Variants in TMPRSS11E observed in about 807,000 individuals in gnomAD.
TMPRSS11E encodes the protein transmembrane protease serine 11E.
TMPRSS11E carries 38 observed loss-of-function variants against 48.1 expected under a neutral mutation model. That is an observed-to-expected ratio of 0.79 (90% CI 0.61 to 1.04). TMPRSS11E has a LOEUF of 1.04. Ranked by LOEUF, TMPRSS11E falls within the 50% of genes least tolerant of loss-of-function variation. TMPRSS11E has a pLI of 0.00. For missense variants in TMPRSS11E, 530 were observed against 510.8 expected (o/e 1.04, Z -0.36); for synonymous variants, 158 against 171.9 (o/e 0.92, Z 0.63).
At chr4:68,452,246 A>G (rs575294080) in intron 1 of TMPRSS11E, among the ~76,000 whole-genome samples, 1 of 152,000 alleles carries the variant, frequency 6.6e-6, no homozygotes, top group Non-Finnish European at 1.5e-5. Flanking sequence ...GACCCAAGAC[A>G]TATTATTGTT....
intron 2 of TMPRSS11E, among the ~76,000 whole-genome samples, chr4:68,465,936 A>G (rs1728915482): frequency 6.6e-6 from 1 of 152,162 alleles, no homozygotes; most frequent in Non-Finnish European, 1.5e-5. Flanking sequence ...AGCAGGTCAA[A>G]AATGTGGGTT....
intron 9 of TMPRSS11E, among the ~76,000 whole-genome samples, chr4:68,496,276 C>G (rs1039704396): frequency 4.6e-5 from 7 of 151,798 alleles, no homozygotes; most frequent in Non-Finnish European, 7.4e-5. Flanking sequence ...ACTCTTCACT[C>G]CCTTTTTTGG....
chr4:68,471,536 G>A lies in TMPRSS11E; in HGVS notation c.403G>A (p.Asp135Asn). 1 of 1,611,316 alleles carries A rather than the reference G, an allele frequency of 6.2e-7. No homozygotes were observed. Among genetic ancestry groups the A allele is most frequent in the South Asian group, 1.1e-5 (1 of 90,778 alleles). ...FHSTEDPETV[D>N]KIVQLVLHEK... The stretch of plus-strand genomic sequence containing the variant: ...CTCTACTGAGGATCCTGAAACTGTA[G>A]ATAAAATTGTTCAACTTGTTTTACA... The change falls in exon 5 of 10, where the codon GAT becomes AAT. Residue 135 changes from aspartate (D) to asparagine (N), a missense_variant. Transcript: ENST00000305363.
chr4:68,460,856 A>G lies in TMPRSS11E; in HGVS notation c.12-965A>G, dbSNP rs948008076. Among the ~76,000 whole-genome samples, 3 of 151,358 alleles carry G rather than the reference A, an allele frequency of 2.0e-5. No homozygotes were observed. In the Admixed American group the frequency reaches 2.0e-4, roughly 10 times the overall value. On this transcript the variant is annotated intron_variant, in intron 1 of 9. Transcript: ENST00000305363. ...GGCAGAACAAATAGAAGTTGAGGGA[A>G]TCTCATGCAAAAAGAATTTCCTGTA...
rs1424158632 is a variant in TMPRSS11E, at chr4:68,448,163, G to A, written c.11+640G>A. ...AACAAGGTTTTGGGGTACTAGTTTT[G>A]TCTTTGAAAATAATTTTATCTCCTG... On this transcript the variant is annotated intron_variant, in intron 1 of 9. Transcript: ENST00000305363. 2.0e-5 allele frequency among the ~76,000 whole-genome samples: 3 copies of A among 151,976 alleles called. No individual in the cohort carries two copies. In the East Asian group the frequency reaches 5.8e-4, roughly 29 times the overall value.
intron 9 of TMPRSS11E, among the ~76,000 whole-genome samples, chr4:68,480,979 C>T (rs1422013876): frequency 1.3e-5 from 2 of 152,094 alleles, no homozygotes; most frequent in Non-Finnish European, 2.9e-5. Context: ...AAGTAAGCCC[C>T]AGTATGTATT....
chr4:68,461,948 A>G lies in TMPRSS11E; in HGVS notation c.136+3A>G, dbSNP rs749598340. On this transcript the variant is annotated splice_donor_region_variant and intron_variant, in intron 2 of 9. Coordinates refer to ENST00000305363, the MANE Select transcript of TMPRSS11E (RefSeq NM_014058.4). ...CACTGTTCATTATGTGAGATATAGT[A>G]AGTATAAGCTGCCTTGGCATCATGT... The G allele has an allele frequency of 2.5e-6, 4 of 1,614,080 alleles. No individual in the cohort carries two copies. The highest frequency in any genetic ancestry group is 3.4e-6 in the Non-Finnish European group (4 of 1,179,968).
chr4:68,451,152 G>T (rs543723106), intron 1 of TMPRSS11E, among the ~76,000 whole-genome samples: 2 of 151,962 alleles, frequency 1.3e-5, no homozygotes, highest in African/African-American at 4.8e-5. Context: ...CTTCTGGAAG[G>T]GTAGGAGGTA....
intron 1 of TMPRSS11E, among the ~76,000 whole-genome samples, chr4:68,448,821 G>A (rs1461618145): frequency 1.3e-5 from 2 of 151,816 alleles, no homozygotes; most frequent in Admixed American, 6.6e-5. Context: ...GAAAGATGAA[G>A]CACATCTATG....
At chr4:68,453,209 G>T (rs768112027) in intron 1 of TMPRSS11E, among the ~76,000 whole-genome samples, 2 of 151,978 alleles carry the variant, frequency 1.3e-5, no homozygotes, top group Admixed American at 6.6e-5. Flanking sequence ...TTTACTGTGT[G>T]CCTGGCATGG....
intron 1 of TMPRSS11E, among the ~76,000 whole-genome samples, chr4:68,459,002 T>C (rs1440091694): frequency 6.6e-6 from 1 of 152,174 alleles, no homozygotes; most frequent in East Asian, 1.9e-4. Flanking sequence ...TTATTATCCT[T>C]GTTTTTCATA....
At chr4:68,464,918 C>T (rs888763564) in intron 2 of TMPRSS11E, among the ~76,000 whole-genome samples, 4 of 152,084 alleles carry the variant, frequency 2.6e-5, no homozygotes, top group Non-Finnish European at 5.9e-5. Flanking sequence ...TTAACAGGCT[C>T]CCTAGGCAGT....
intron 1 of TMPRSS11E, among the ~76,000 whole-genome samples, chr4:68,458,530 G>T (rs1293186022): frequency 6.6e-6 from 1 of 152,136 alleles, no homozygotes; most frequent in Non-Finnish European, 1.5e-5. Flanking sequence ...TTTGATAGAT[G>T]AAAATATTGA....
Position 68,474,140 on chromosome 4 carries a change from A to G in TMPRSS11E, c.491-583A>G, listed in dbSNP as rs190483283. ...TGACTAGTGAGAAGTCAGCAAGCTA[A>G]GAAGTCATTGGCTGGAGCTAAATGA... is the stretch of plus-strand genomic sequence containing the variant. On this transcript the variant is annotated intron_variant, in intron 5 of 9. Transcript: ENST00000305363. Among the ~76,000 whole-genome samples the G allele has an allele frequency of 4.8e-4, 73 of 152,272 alleles. No individual in the cohort carries two copies. The East Asian group carries it at 0.012, about 26-fold the overall frequency.
At chr4:68,447,891 A>G (rs929665163) in intron 1 of TMPRSS11E, among the ~76,000 whole-genome samples, 1 of 152,010 alleles carries the variant, frequency 6.6e-6, no homozygotes, top group African/African-American at 2.4e-5. Context: ...CTTTTATTTT[A>G]GAAGGTGTAC....
intron 9 of TMPRSS11E, among the ~76,000 whole-genome samples, chr4:68,496,192 G>C (rs1729859520): frequency 6.6e-6 from 1 of 152,036 alleles, no homozygotes; most frequent in African/African-American, 2.4e-5. Context: ...GGCCAAACTT[G>C]AGATAGAAAC....
At chr4:68,480,380 T>C (rs1162348488) in intron 9 of TMPRSS11E, among the ~76,000 whole-genome samples, 1 of 152,130 alleles carries the variant, frequency 6.6e-6, no homozygotes, top group Non-Finnish European at 1.5e-5. Context: ...TCAAGTTTAC[T>C]GATTCTTTGC....
chr4:68,492,049 C>G (rs551153143), intron 9 of TMPRSS11E, among the ~76,000 whole-genome samples: 1 of 152,202 alleles, frequency 6.6e-6, no homozygotes, highest in East Asian at 1.9e-4. Context: ...TTTAGACTCA[C>G]TTCATTTTGT....
chr4:68,455,202 AGAAAAATGAGGCATTT>A (rs1728596441), intron 1 of TMPRSS11E, among the ~76,000 whole-genome samples: 1 of 152,124 alleles, frequency 6.6e-6, no homozygotes, highest in Admixed American at 6.6e-5. Context: ...TGTAGTCAAC[AGAAAAATGAGGCATTT>A]GAAAAATTGC....
Sources: gnomAD v4.1 joint callset for allele counts (sites outside exome capture counted in the v4.1 genomes callset) on GRCh38, gnomAD v4.1.1 for gene constraint, MANE v1.5 for transcripts, NCBI Gene and HGNC (gene_info 2026-07-23, HGNC 2026-07-21) for gene names.